ERI1: variants seen among roughly 807,000 people sequenced by gnomAD.
ERI1 encodes 3'-5' exoribonuclease 1.
ERI1 carries 39 observed loss-of-function variants against 39.7 expected under a neutral mutation model. The ratio of observed to expected loss-of-function variants is 0.98; its 90% CI spans 0.76 to 1.28. ERI1 has a LOEUF of 1.28. Ranked by LOEUF, ERI1 falls within the 50% of genes most tolerant of loss-of-function variation. ERI1 has a pLI of 0.00. For synonymous variants in ERI1, 204 were observed against 149.6 expected, an observed-to-expected ratio of 1.36 and a Z score of -2.65; for missense variants, 581 against 416.9, an observed-to-expected ratio of 1.39 and a Z score of -3.43.
rs200426484 is a variant in ERI1 at position 9,011,792 on chromosome 8, A to T, written c.498+40A>T. 72 of 1,477,430 alleles carry T rather than the reference A, an allele frequency of 4.9e-5. No individual in the cohort carries two copies. The East Asian group carries it at 1.5e-3, about 30-fold the overall frequency. The allele number at this position is 1,477,430 out of a possible 1,614,324, so 91.5% of individuals were successfully genotyped here. A position where few individuals can be genotyped will look rare whatever the true frequency, so the allele number is the denominator to read the frequency against. On this transcript the variant is annotated intron_variant, in intron 3 of 6. Transcript: ENST00000250263. ...GTATTTTAATTGTATTTCTAGCAGC[A>T]ACTATTCTGGTGTTTACTGGTTATG...
intron 6 of ERI1, among the ~76,000 whole-genome samples, chr8:9,024,090 G>T (rs539903560): frequency 6.6e-6 from 1 of 152,162 alleles, no homozygotes; most frequent in African/African-American, 2.4e-5. Flanking sequence ...ATGAGCCATT[G>T]CGCCTGGCCA....
intron 3 of ERI1, among the ~76,000 whole-genome samples, chr8:9,087,202 C>T (rs1178917143): frequency 1.3e-5 from 2 of 151,508 alleles, no homozygotes; most frequent in African/African-American, 4.8e-5. Context: ...CCTCCCCTTG[C>T]CCCCCACCTT....
At chr8:9,029,433 G>T (rs1322572772) in intron 6 of ERI1, among the ~76,000 whole-genome samples, 1 of 152,006 alleles carries the variant, frequency 6.6e-6, no homozygotes, top group African/African-American at 2.4e-5. Context: ...GGTTCAGGCA[G>T]TTCTCCTGCC....
intron 6 of ERI1, among the ~76,000 whole-genome samples, chr8:9,023,771 T>C (rs1818175968): frequency 6.8e-6 from 1 of 147,836 alleles, no homozygotes; most frequent in Non-Finnish European, 1.5e-5. Context: ...TCTAAAAACA[T>C]TTTTTTTTTA....
At chr8:9,051,436 C>T (rs1219349114) in intron 3 of ERI1, among the ~76,000 whole-genome samples, 1 of 152,018 alleles carries the variant, frequency 6.6e-6, no homozygotes. Flanking sequence ...GCAAGCAGAT[C>T]CCTTGAGGTC....
At chr8:9,021,000 C>A (rs28538130) in intron 6 of ERI1, among the ~76,000 whole-genome samples, 1 of 151,962 alleles carries the variant, frequency 6.6e-6, no homozygotes, top group Admixed American at 6.6e-5. Flanking sequence ...TTTCAGTTTG[C>A]GATCTATTGA....
At chr8:9,020,260 G>T in intron 5 of ERI1, 90 bp from the exon 6 acceptor site, 1 of 594,416 alleles carries the variant, frequency 1.7e-6, no homozygotes, top group South Asian at 3.7e-5. Context: ...TGAGAAAGTT[G>T]ACATATATAA....
intron 3 of ERI1, among the ~76,000 whole-genome samples, chr8:9,087,896 G>A (rs924029153): frequency 1.1e-4 from 16 of 152,162 alleles, no homozygotes; most frequent in Non-Finnish European, 1.9e-4. Context: ...AGTATGCCTG[G>A]AAGTGAGGGA....
chr8:9,039,456 C>T (rs912983861), intron 3 of ERI1, among the ~76,000 whole-genome samples: 1 of 152,010 alleles, frequency 6.6e-6, no homozygotes, highest in African/African-American at 2.4e-5. Context: ...TTTGAACATA[C>T]AAAAATCATT....
intron 3 of ERI1, among the ~76,000 whole-genome samples, chr8:9,043,146 G>A (rs989589986): frequency 6.6e-6 from 1 of 152,196 alleles, no homozygotes; most frequent in Non-Finnish European, 1.5e-5. Context: ...TATTTTTAAG[G>A]TGTTATTCTA....
At chr8:9,065,119 C>T (rs187703758) in intron 3 of ERI1, among the ~76,000 whole-genome samples, 25 of 152,238 alleles carry the variant, frequency 1.6e-4, no homozygotes, top group African/African-American at 5.8e-4. Flanking sequence ...TTAGTTAAGG[C>T]AGGAACCGGC....
At chr8:9,049,671 T>C (rs1048386695) in intron 3 of ERI1, 3 of 152,202 alleles carry the variant, frequency 2.0e-5, no homozygotes, top group African/African-American at 7.2e-5. Flanking sequence ...TCCTTCTGCA[T>C]TGAGGGAGGA....
intron 3 of ERI1, among the ~76,000 whole-genome samples, chr8:9,095,369 C>T (rs573233260): frequency 6.6e-6 from 1 of 152,280 alleles, no homozygotes; most frequent in South Asian, 2.1e-4. Context: ...CCTCTCCCTA[C>T]TTGGAGTCCG....
chr8:9,088,919 GCTC>G (rs1799618319), intron 3 of ERI1, among the ~76,000 whole-genome samples: 1 of 152,198 alleles, frequency 6.6e-6, no homozygotes, highest in African/African-American at 2.4e-5. Context: ...TTCACTACGT[GCTC>G]CTCCTACCCT....
intron 3 of ERI1, among the ~76,000 whole-genome samples, chr8:9,038,615 G>A (rs1797925234): frequency 6.6e-6 from 1 of 152,058 alleles, no homozygotes; most frequent in South Asian, 2.1e-4. Context: ...AACTTAGCTG[G>A]GCGTGGTGGC....
intron 3 of ERI1, among the ~76,000 whole-genome samples, chr8:9,045,328 C>G (rs989377642): frequency 2.6e-5 from 4 of 151,770 alleles, no homozygotes; most frequent in East Asian, 3.9e-4. Context: ...AGCCAGTGCT[C>G]TGTAGGGTAG....
chr8:9,065,552 A>G (rs773508847), intron 3 of ERI1, among the ~76,000 whole-genome samples: 13 of 151,832 alleles, frequency 8.6e-5, no homozygotes, highest in Non-Finnish European at 1.6e-4. Flanking sequence ...AAAATTAGCC[A>G]GGCGTAGTGG....
chr8:9,075,124 T>C (rs559537767), intron 3 of ERI1, among the ~76,000 whole-genome samples: 14 of 152,176 alleles, frequency 9.2e-5, no homozygotes, highest in Non-Finnish European at 2.1e-4. Flanking sequence ...TGAGTCACAG[T>C]CAATAAAAAA....
At chr8:9,061,672 A>G (rs1333418756) in intron 3 of ERI1, among the ~76,000 whole-genome samples, 3 of 152,244 alleles carry the variant, frequency 2.0e-5, no homozygotes, top group Non-Finnish European at 2.9e-5. Context: ...TTTGTAAGGG[A>G]TTGAGGTTTG....
Sources: gnomAD v4.1 joint callset for allele counts (sites outside exome capture counted in the v4.1 genomes callset) on GRCh38, gnomAD v4.1.1 for gene constraint, MANE v1.5 for transcripts, NCBI Gene and HGNC (gene_info 2026-07-23, HGNC 2026-07-21) for gene names.